Variants in ACACB observed in about 807,000 individuals in gnomAD.
ACACB encodes acetyl-CoA carboxylase beta.
A neutral mutation model predicts 278.8 loss-of-function variants in ACACB; 209 were observed. The observed-to-expected ratio is 0.75, with a 90% CI of 0.67 to 0.84. The LOEUF (loss-of-function observed/expected upper bound fraction) is 0.84, where lower values mean the gene tolerates loss of function less well. Ranked by LOEUF, ACACB falls within the 40% of genes least tolerant of loss-of-function variation. The pLI is 0.00. For synonymous variants in ACACB, 1,174 were observed against 1,285.6 expected (o/e 0.91, Z 1.86); for missense variants, 2,850 against 3,269.0 (o/e 0.87, Z 3.13).
chr12:109,185,698 C>T lies in ACACB; in HGVS notation c.1938C>T (p.Gly646=), dbSNP rs774455652. Residue 646 remains glycine (G), a synonymous_variant, in exon 12 of 53, where the codon GGC becomes GGT. Transcript: ENST00000338432. ...CCTCAAACCCTCCCCTCGCCCGAGG[C>T]CACGTCATTGCCGCCAGAATCACCA... ...ETPSNPPLAR[G]HVIAARITSE... 4.3e-6 allele frequency: 7 copies of T among 1,613,038 alleles called. No homozygotes were observed. In the Admixed American group the frequency reaches 1.0e-4, roughly 23 times the overall value.
chr12:109,181,506 G>A (rs1025556277), intron 11 of ACACB, among the ~76,000 whole-genome samples: 1 of 152,050 alleles, frequency 6.6e-6, no homozygotes, highest in Non-Finnish European at 1.5e-5. Context: ...AGGATTACAG[G>A]CATGAGCCAC....
intron 1 of ACACB, among the ~76,000 whole-genome samples, chr12:109,131,991 G>A (rs978895317): frequency 1.3e-5 from 2 of 152,096 alleles, no homozygotes; most frequent in Non-Finnish European, 2.9e-5. Context: ...CTGTTTTTAG[G>A]ATCATATCTA....
intron 36 of ACACB, chr12:109,242,236 C>T (rs1364844494): frequency 3.6e-6 from 2 of 554,760 alleles, no homozygotes; most frequent in Non-Finnish European, 6.4e-6. Context: ...CTGCATTCCA[C>T]AGCCCCTGTT....
rs1378807512 is a variant in ACACB, at chr12:109,210,094, C to G, written c.3249+741C>G. ...ATGTGTATATATGTATATATACACA[C>G]ATGTGTGTGTATATGTATATATACA... On this transcript the variant is annotated intron_variant, in intron 21 of 52. Coordinates refer to ENST00000338432, the MANE Select transcript of ACACB (RefSeq NM_001093.4). Among the ~76,000 whole-genome samples the G allele has an allele frequency of 2.2e-5, 2 of 89,018 alleles. 1 individual carries two copies. The highest frequency in any genetic ancestry group is 4.5e-5 in the Non-Finnish European group (2 of 44,210). The allele number at this position is 89,018 out of a possible 152,430, so 58.4% of individuals were successfully genotyped here.
intron 4 of ACACB, among the ~76,000 whole-genome samples, chr12:109,169,655 G>C (rs1360536936): frequency 6.6e-6 from 1 of 152,156 alleles, no homozygotes; most frequent in Non-Finnish European, 1.5e-5. Context: ...CCTTTGTGCA[G>C]TGGACTCCCT....
chr12:109,177,589 T>C (rs1303528883), intron 9 of ACACB, among the ~76,000 whole-genome samples: 4 of 152,142 alleles, frequency 2.6e-5, no homozygotes, highest in Non-Finnish European at 5.9e-5. Context: ...GGGGGAAGAA[T>C]TGATATTAAA....
chr12:109,188,991 G>A lies in ACACB; in HGVS notation c.2144+829G>A, dbSNP rs554991230. 2.5e-3 allele frequency among the ~76,000 whole-genome samples: 381 copies of A among 152,306 alleles called. 3 individuals are homozygous for A. The highest frequency in any genetic ancestry group is 8.7e-3 in the African/African-American group (361 of 41,570). ...CACCACTCTGAGGCCTGTGACAGCAGCCCCATGTCCCCAGCTCAGCCAAGT... is the reference window on the plus strand; with the variant it reads ...CACCACTCTGAGGCCTGTGACAGCAACCCCATGTCCCCAGCTCAGCCAAGT... On this transcript the variant is annotated intron_variant, in intron 13 of 52. Transcript: ENST00000338432.
chr12:109,246,941 G>A (rs986275203), intron 39 of ACACB, among the ~76,000 whole-genome samples: 1 of 152,136 alleles, frequency 6.6e-6, no homozygotes, highest in African/African-American at 2.4e-5. Context: ...GAGCATGATG[G>A]TGCCTGCCTG....
intron 1 of ACACB, among the ~76,000 whole-genome samples, chr12:109,134,063 C>T (rs749229711): frequency 4.6e-5 from 7 of 151,584 alleles, no homozygotes; most frequent in Admixed American, 2.0e-4. Context: ...GGATTACAGA[C>T]GTAGCCATTG....
chr12:109,187,572 G>T (rs917406378), intron 12 of ACACB, among the ~76,000 whole-genome samples: 3 of 151,686 alleles, frequency 2.0e-5, no homozygotes, highest in African/African-American at 7.3e-5. Context: ...AGATCCTTCT[G>T]CCTCAGCCCC....
At chr12:109,210,365 G>T (rs1474553013) in intron 21 of ACACB, among the ~76,000 whole-genome samples, 1 of 113,576 alleles carries the variant, frequency 8.8e-6, no homozygotes, top group Non-Finnish European at 1.9e-5. Flanking sequence ...GTGTATATAT[G>T]TATATACACG....
rs754757968 is a variant in ACACB, at chr12:109,258,345, A to G, written c.6341A>G (p.Asn2114Ser). 4 of 1,611,898 alleles carry G rather than the reference A, an allele frequency of 2.5e-6. No individual in the cohort carries two copies. Among genetic ancestry groups the G allele is most frequent in the Non-Finnish European group, 2.5e-6 (3 of 1,179,792 alleles). ...GTGGCAGTCCCTGCAGACCCTGCCA[A>G]CCTGGATTCTGAGGCCAAGGTGAGG... ...VEVAVPADPA[N>S]LDSEAKIIQQ... Residue 2114 changes from asparagine to serine, a missense_variant, in exon 46 of 53, where the codon AAC becomes AGC. Around this residue, in one of 3 missense-constraint regions of ACACB, gnomAD observed 579 missense variants for 684.6 expected, o/e 0.85. Transcript: ENST00000338432.
chr12:109,222,639 G>T lies in ACACB; in HGVS notation c.3678+19G>T. 2 of 1,603,970 alleles carry T rather than the reference G, an allele frequency of 1.2e-6. No individual in the cohort carries two copies. Among genetic ancestry groups the T allele is most frequent in the Non-Finnish European group, 1.7e-6 (2 of 1,170,908 alleles). ...CCGGCAGGTAGGGTCTCAGGGTGCG[G>T]TCCCCACGATGTGCGTTTCCCCCCA... On this transcript the variant is annotated intron_variant, in intron 25 of 52. Transcript: ENST00000338432.
intron 44 of ACACB, among the ~76,000 whole-genome samples, chr12:109,254,567 G>A (rs748100812): frequency 2.0e-5 from 3 of 152,108 alleles, no homozygotes; most frequent in Non-Finnish European, 4.4e-5. Flanking sequence ...AGTTTCTGGA[G>A]CTAATAGATG....
At chr12:109,231,102 A>T (rs1256345207) in intron 28 of ACACB, among the ~76,000 whole-genome samples, 1 of 151,928 alleles carries the variant, frequency 6.6e-6, no homozygotes, top group East Asian at 1.9e-4. Flanking sequence ...AGCCAGGCAC[A>T]TGGTGCTTTA....
intron 1 of ACACB, among the ~76,000 whole-genome samples, chr12:109,132,615 T>C (rs2042858381): frequency 6.6e-6 from 1 of 152,088 alleles, no homozygotes; most frequent in African/African-American, 2.4e-5. Flanking sequence ...GGGGTGAGAA[T>C]TCGTATCCCC....
intron 18 of ACACB, 104 bp downstream of exon 18, chr12:109,199,656 T>C: frequency 8.6e-7 from 1 of 1,168,042 alleles, no homozygotes; most frequent in Non-Finnish European, 1.1e-6. Context: ...CCTTGACCAC[T>C]GTCTGCAAAT....
At chr12:109,187,955 G>T (rs1269526504) in intron 12 of ACACB, 44 bp from the exon 13 acceptor site, 4 of 1,572,952 alleles carry the variant, frequency 2.5e-6, no homozygotes, top group Admixed American at 1.7e-5. Context: ...AATATATCTG[G>T]AGTAATGATT....
chr12:109,150,620 G>C (rs1056994230), intron 2 of ACACB, among the ~76,000 whole-genome samples: 1 of 152,186 alleles, frequency 6.6e-6, no homozygotes, highest in Non-Finnish European at 1.5e-5. Flanking sequence ...GGCCCTGCAG[G>C]CAAAGGTAGG....
Sources: gnomAD v4.1 joint callset for allele counts (sites outside exome capture counted in the v4.1 genomes callset) on GRCh38, gnomAD v4.1.1 for gene constraint, gnomAD v4.1.1 regional missense constraint, MANE v1.5 for transcripts, NCBI Gene and HGNC (gene_info 2026-07-23, HGNC 2026-07-21) for gene names.